Variants in ACTG2 observed in about 807,000 individuals in gnomAD.
ACTG2 encodes the protein actin, gamma-enteric smooth muscle.
Under a neutral mutation model 37.6 loss-of-function variants are expected in ACTG2, and 16 were observed. The observed-to-expected ratio is 0.43, with a 90% confidence interval of 0.29 to 0.65. The LOEUF is 0.65. Among genes scored for constraint, ACTG2 ranks in the 30% least tolerant of loss-of-function variants. The pLI is 0.18. For synonymous variants in ACTG2, 181 were observed against 179.9 expected (o/e 1.01, Z -0.05); for missense variants, 238 against 490.9 (o/e 0.48, Z 4.87).
At chr2:73,912,250 C>T (rs1027319679) in intron 5 of ACTG2, among the ~76,000 whole-genome samples, 2 of 152,136 alleles carry the variant, frequency 1.3e-5, no homozygotes, top group Non-Finnish European at 2.9e-5. Context: ...CTCCACCTCC[C>T]GGGTTCAAGC....
chr2:73,901,120 A>G (rs761773258), intron 1 of ACTG2, among the ~76,000 whole-genome samples, 156 bp from the exon 2 acceptor site: 1 of 152,076 alleles, frequency 6.6e-6, no homozygotes, highest in African/African-American at 2.4e-5. Context: ...CAGAGGGAGG[A>G]GGCTCAACTG....
chr2:73,914,348 C>A (rs1418654631), intron 6 of ACTG2, among the ~76,000 whole-genome samples: 2 of 152,034 alleles, frequency 1.3e-5, no homozygotes, highest in African/African-American at 4.8e-5. Context: ...CACTTGAGGT[C>A]AGGAGTTCTA....
intron 5 of ACTG2, among the ~76,000 whole-genome samples, chr2:73,909,735 T>C (rs1680089396): frequency 6.6e-6 from 1 of 152,090 alleles, no homozygotes. Flanking sequence ...ACAGTGAAAA[T>C]ATAATATCAA....
At chr2:73,908,225 C>G (rs1000717654) in intron 3 of ACTG2, 1 of 467,330 alleles carries the variant, frequency 2.1e-6, no homozygotes, top group African/African-American at 2.0e-5. Flanking sequence ...AGGAACTGTG[C>G]TCATGGAGGG....
intron 6 of ACTG2, among the ~76,000 whole-genome samples, chr2:73,914,333 C>T (rs1236592838): frequency 2.6e-5 from 4 of 152,020 alleles, no homozygotes; most frequent in African/African-American, 9.7e-5. Flanking sequence ...GCCAAGCAGG[C>T]AGATCACTTG....
chr2:73,902,748 A>T, intron 3 of ACTG2: 14 of 1,550,652 alleles, frequency 9.0e-6, no homozygotes, highest in Non-Finnish European at 1.2e-5. Context: ...CTGCTGCAAA[A>T]CTGATCTTTC....
chr2:73,904,146 G>A (rs528991279), intron 3 of ACTG2, among the ~76,000 whole-genome samples: 4 of 150,850 alleles, frequency 2.7e-5, no homozygotes, highest in Admixed American at 2.6e-4. Context: ...CTATTCAGGA[G>A]GCTGAGGCAT....
intron 3 of ACTG2, among the ~76,000 whole-genome samples, chr2:73,904,798 T>C (rs1679983811): frequency 9.1e-6 from 1 of 110,046 alleles, no homozygotes; most frequent in Non-Finnish European, 1.9e-5. Context: ...TATATATATA[T>C]ATATATATAT....
chr2:73,918,259 C>A (rs1020639233), intron 8 of ACTG2, among the ~76,000 whole-genome samples: 6 of 152,056 alleles, frequency 3.9e-5, no homozygotes, highest in African/African-American at 7.2e-5. Flanking sequence ...CACAGAAGAA[C>A]AGATTTGGGG....
intron 8 of ACTG2, among the ~76,000 whole-genome samples, chr2:73,918,792 C>T (rs561454920): frequency 6.6e-6 from 1 of 152,332 alleles, no homozygotes; most frequent in African/African-American, 2.4e-5. Context: ...GGTTTATACT[C>T]AGGCATGGAG....
At chr2:73,910,285 T>C (rs1289176885) in intron 5 of ACTG2, among the ~76,000 whole-genome samples, 25 of 151,636 alleles carry the variant, frequency 1.6e-4, no homozygotes, top group Non-Finnish European at 4.4e-5. Context: ...GTAATGTTTT[T>C]TACCTTATAA....
At chr2:73,903,942 A>AG (rs1679947429) in intron 3 of ACTG2, among the ~76,000 whole-genome samples, 2 of 78,724 alleles carry the variant, frequency 2.5e-5, no homozygotes, top group African/African-American at 1.2e-4. Context: ...TCCGTCTCAA[A>AG]AAAAAAAAAA....
At chr2:73,904,613 G>A (rs549312893) in intron 3 of ACTG2, among the ~76,000 whole-genome samples, 23 of 149,716 alleles carry the variant, frequency 1.5e-4, no homozygotes, top group African/African-American at 4.4e-4. Context: ...AGCCAAGATC[G>A]CATCACTGCA....
intron 3 of ACTG2, among the ~76,000 whole-genome samples, chr2:73,907,639 G>T (rs1173373809): frequency 6.6e-6 from 1 of 152,114 alleles, no homozygotes; most frequent in African/African-American, 2.4e-5. Flanking sequence ...GCGCTACCAT[G>T]CCTGGCTAAT....
intron 7 of ACTG2, among the ~76,000 whole-genome samples, chr2:73,915,341 G>A (rs1469635216): frequency 3.4e-5 from 5 of 148,272 alleles, no homozygotes; most frequent in East Asian, 1.9e-4. Flanking sequence ...GCAACATAGC[G>A]AAACCCCATC....
At chr2:73,901,589 TGTGTGTGTGTGTGTGTCTGTG>T in intron 2 of ACTG2, 152 bp downstream of exon 2, 1 of 355,500 alleles carries the variant, frequency 2.8e-6, no homozygotes, top group Non-Finnish European at 3.4e-6. Context: ...TGTCTGTGCG[TGTGTGTGTGTGTGTGTCTGTG>T]CATGCACATG....
chr2:73,918,468 C>T (rs1328416939), intron 8 of ACTG2, among the ~76,000 whole-genome samples: 1 of 152,158 alleles, frequency 6.6e-6, no homozygotes, highest in African/African-American at 2.4e-5. Flanking sequence ...TCTTATTCTA[C>T]AATTCCATGA....
At chr2:73,916,971 A>C (rs1213321967) in intron 8 of ACTG2, among the ~76,000 whole-genome samples, 1 of 152,188 alleles carries the variant, frequency 6.6e-6, no homozygotes, top group Admixed American at 6.5e-5. Context: ...GATCTCAAAC[A>C]TAATCCCAGG....
rs914534507 is a variant in ACTG2, at chr2:73,906,676, C to T, written c.256-1997C>T. Among the ~76,000 whole-genome samples, 5 of 152,106 alleles carry T rather than the reference C, an allele frequency of 3.3e-5. No individual in the cohort carries two copies. The South Asian group carries it at 1.0e-3, about 32-fold the overall frequency. On this transcript the variant is annotated intron_variant, in intron 3 of 8. Transcript: ENST00000345517. ...AATTTTTTGTAGAGACAGGGTCTCA[C>T]TTTGTTACCCAGGCTGGTCTCCAAC...
Sources: gnomAD v4.1 joint callset for allele counts (sites outside exome capture counted in the v4.1 genomes callset) on GRCh38, gnomAD v4.1.1 for gene constraint, MANE v1.5 for transcripts, NCBI Gene and HGNC (gene_info 2026-07-23, HGNC 2026-07-21) for gene names.